DSCAM: variants seen among roughly 807,000 people sequenced by gnomAD.
DSCAM encodes the protein DS cell adhesion molecule.
DSCAM carries 47 observed loss-of-function variants against 217.7 expected under a neutral mutation model. The observed-to-expected ratio is 0.22, with a 90% CI of 0.17 to 0.28. The LOEUF is 0.28. Among genes scored for constraint, DSCAM ranks in the 10% least tolerant of loss-of-function variants. DSCAM has a pLI of 1.00. For missense variants in DSCAM, 2,080 were observed against 2,618.3 expected (o/e 0.79, Z 4.49); for synonymous variants, 1,056 against 1,015.3 (o/e 1.04, Z -0.76).
chr21:40,817,378 G>T (rs2091888959), intron 1 of DSCAM, among the ~76,000 whole-genome samples: 1 of 152,174 alleles, frequency 6.6e-6, no homozygotes, highest in African/African-American at 2.4e-5. Flanking sequence ...ATTTTCCCTT[G>T]ACTGACAATT....
At chr21:40,674,175 T>A (rs1193474324) in intron 3 of DSCAM, among the ~76,000 whole-genome samples, 7 of 152,188 alleles carry the variant, frequency 4.6e-5, no homozygotes, top group Non-Finnish European at 1.0e-4. Context: ...TGGTCAAAAA[T>A]ATCTCATTTT....
intron 5 of DSCAM, 25 bp from the exon 6 acceptor site, chr21:40,347,970 G>GA (rs756579781): frequency 7.5e-6 from 12 of 1,591,118 alleles, no homozygotes; most frequent in African/African-American, 1.4e-5. Flanking sequence ...AAGAGAGAGA[G>GA]AAAAAAGATA....
chr21:40,252,829 C>T (rs780354794), intron 11 of DSCAM, among the ~76,000 whole-genome samples: 22 of 152,074 alleles, frequency 1.4e-4, no homozygotes, highest in Admixed American at 3.3e-4. Flanking sequence ...CCACAACTTC[C>T]CAACGTATAA....
At chr21:40,121,130 C>T (rs1352763014) in intron 20 of DSCAM, among the ~76,000 whole-genome samples, 2 of 152,220 alleles carry the variant, frequency 1.3e-5, no homozygotes, top group East Asian at 1.9e-4. Flanking sequence ...TCATACTGTC[C>T]TCTGGTGGTC....
At chr21:40,216,249 A>G (rs975585686) in intron 11 of DSCAM, among the ~76,000 whole-genome samples, 7 of 151,976 alleles carry the variant, frequency 4.6e-5, no homozygotes, top group Non-Finnish European at 1.0e-4. Context: ...GACTACAGTC[A>G]TGTGTCAGCA....
intron 1 of DSCAM, among the ~76,000 whole-genome samples, chr21:40,728,299 G>A (rs528972805): frequency 1.3e-5 from 2 of 152,216 alleles, no homozygotes; most frequent in South Asian, 4.1e-4. Flanking sequence ...ATGTAGCAAA[G>A]AGTCTCAACA....
Position 40,708,592 on chromosome 21 carries a change from C to G in DSCAM, c.223G>C (p.Val75Leu). 6.2e-7 allele frequency: 1 copy of G among 1,610,462 alleles called. No homozygotes were observed. The highest frequency in any genetic ancestry group is 8.5e-7 in the Non-Finnish European group (1 of 1,178,244). ...ATTTGGAGAGTGCCGTTGGGGTGGA[C>G]GTGGCGGATCCCGGGGACATCGTAG... ...EIYDVPGIRH[V>L]HPNGTLQIFP... The change falls in exon 2 of 33, where the codon GTC (valine) becomes CTC (leucine). Residue 75 changes from valine to leucine, a missense_variant. Physicochemically the swap from Val to Leu is conservative, Grantham distance 32. This residue lies in a region of DSCAM where 568 missense variants were observed against 678.1 expected (regional missense o/e 0.84). Transcript: ENST00000400454.
chr21:40,732,723 A>G (rs145956271), intron 1 of DSCAM, among the ~76,000 whole-genome samples: 193 of 152,354 alleles, frequency 1.3e-3, no homozygotes, highest in African/African-American at 3.9e-3. Context: ...TCCAAGACAA[A>G]TGCATACAAA....
intron 1 of DSCAM, among the ~76,000 whole-genome samples, chr21:40,755,645 A>C (rs1304223882): frequency 6.6e-6 from 1 of 152,076 alleles, no homozygotes; most frequent in Non-Finnish European, 1.5e-5. Context: ...ATAAAAAGAT[A>C]AGGCAGAGAG....
chr21:40,269,942 G>A (rs377542343), intron 11 of DSCAM, among the ~76,000 whole-genome samples: 2 of 152,140 alleles, frequency 1.3e-5, no homozygotes, highest in South Asian at 2.1e-4. Flanking sequence ...GGGGGTGGAC[G>A]GGAAATAATT....
At chr21:40,231,547 G>T (rs2091382548) in intron 11 of DSCAM, among the ~76,000 whole-genome samples, 1 of 151,704 alleles carries the variant, frequency 6.6e-6, no homozygotes, top group Non-Finnish European at 1.5e-5. Flanking sequence ...TTGTTGCTCA[G>T]GCTGGAATAC....
At chr21:40,546,328 C>T (rs1453201630) in intron 3 of DSCAM, among the ~76,000 whole-genome samples, 1 of 152,234 alleles carries the variant, frequency 6.6e-6, no homozygotes, top group South Asian at 2.1e-4. Context: ...AGGGCCACCG[C>T]CCAGTCAGTG....
At chr21:40,544,777 G>C (rs2076568071) in intron 3 of DSCAM, among the ~76,000 whole-genome samples, 1 of 152,006 alleles carries the variant, frequency 6.6e-6, no homozygotes, top group African/African-American at 2.4e-5. Context: ...TTTTATTGTT[G>C]TTATATATTT....
chr21:40,065,840 T>G (rs2089198774), intron 27 of DSCAM, among the ~76,000 whole-genome samples: 1 of 152,228 alleles, frequency 6.6e-6, no homozygotes, highest in African/African-American at 2.4e-5. Context: ...GAGTGATACC[T>G]GTGCTTTGAA....
intron 3 of DSCAM, among the ~76,000 whole-genome samples, chr21:40,414,319 CA>C (rs1180235242): frequency 1.3e-5 from 2 of 152,130 alleles, no homozygotes; most frequent in Non-Finnish European, 1.5e-5. Flanking sequence ...TTACAATGTG[CA>C]AAATATTTGA....
intron 4 of DSCAM, among the ~76,000 whole-genome samples, chr21:40,366,209 T>A (rs577521051): frequency 1.3e-5 from 2 of 152,210 alleles, no homozygotes; most frequent in Non-Finnish European, 2.9e-5. Context: ...GAGACTTTTT[T>A]TGAATTAGTG....
chr21:40,598,316 TTCAC>T (rs749311952), intron 3 of DSCAM, among the ~76,000 whole-genome samples: 9 of 152,184 alleles, frequency 5.9e-5, no homozygotes, highest in African/African-American at 9.6e-5. Flanking sequence ...AAGTCCACAG[TTCAC>T]TCACTCAGTT....
chr21:40,044,067 T>G lies in DSCAM; in HGVS notation c.5383+11A>C. The G allele has an allele frequency of 6.2e-7, 1 of 1,612,956 alleles. No homozygotes were observed. The highest frequency in any genetic ancestry group is 8.5e-7 in the Non-Finnish European group (1 of 1,179,984). On this transcript the variant is annotated intron_variant, in intron 31 of 32. Coordinates refer to ENST00000400454, the MANE Select transcript of DSCAM (RefSeq NM_001389.5). ...GTCCCCAGGGACGGAGGAGGCAGCGTCAGGGCCTACCTGTGTCTTGCGAGG... is the reference window on the plus strand; with the variant it reads ...GTCCCCAGGGACGGAGGAGGCAGCGGCAGGGCCTACCTGTGTCTTGCGAGG...
chr21:40,043,980 G>A, intron 31 of DSCAM, 98 bp downstream of exon 31: 1 of 1,249,536 alleles, frequency 8.0e-7, no homozygotes. Flanking sequence ...AAGTAAGAGG[G>A]AGGAAGCCCT....
Sources: gnomAD v4.1 joint callset for allele counts (sites outside exome capture counted in the v4.1 genomes callset) on GRCh38, gnomAD v4.1.1 for gene constraint, gnomAD v4.1.1 regional missense constraint, MANE v1.5 for transcripts, NCBI Gene and HGNC (gene_info 2026-07-23, HGNC 2026-07-21) for gene names.